UST: variants seen among roughly 807,000 people sequenced by gnomAD.
The protein encoded by UST is uronyl 2-sulfotransferase.
UST carries 21 observed loss-of-function variants against 45.6 expected under a neutral mutation model. The ratio of observed to expected loss-of-function variants is 0.46; its 90% CI spans 0.33 to 0.66. The LOEUF is 0.66. Ranked by LOEUF, UST falls within the 30% of genes least tolerant of loss-of-function variation. The pLI, the probability that UST is intolerant of heterozygous loss-of-function variation, is 0.02. For missense variants in UST, 463 were observed against 512.4 expected, an observed-to-expected ratio of 0.90 and a Z score of 0.93; for synonymous variants, 215 against 200.6, an observed-to-expected ratio of 1.07 and a Z score of -0.61.
At chr6:148,856,967 ATAAAT>A (rs1199731696) in intron 1 of UST, among the ~76,000 whole-genome samples, 1 of 148,964 alleles carries the variant, frequency 6.7e-6, no homozygotes, top group Non-Finnish European at 1.5e-5. Flanking sequence ...ACATTATATA[ATAAAT>A]TACATATATT....
chr6:149,023,101 GGT>G (rs61544082), intron 7 of UST, among the ~76,000 whole-genome samples: 26,934 of 142,026 alleles, frequency 0.19, 2,933 homozygotes, highest in East Asian at 0.32. Flanking sequence ...CTTGTTCTAT[GGT>G]GTGTGTGTGT....
intron 7 of UST, among the ~76,000 whole-genome samples, chr6:149,063,558 T>C (rs1024616072): frequency 1.3e-5 from 2 of 152,138 alleles, no homozygotes; most frequent in Non-Finnish European, 2.9e-5. Flanking sequence ...CCCAGCCAGA[T>C]GGGAGGGTAG....
intron 1 of UST, among the ~76,000 whole-genome samples, chr6:148,775,608 A>T (rs1289483678): frequency 6.6e-6 from 1 of 151,630 alleles, no homozygotes; most frequent in African/African-American, 2.4e-5. Context: ...AGTTGATTGT[A>T]ACTCTTTTTT....
intron 1 of UST, among the ~76,000 whole-genome samples, chr6:148,807,010 G>A (rs931311818): frequency 1.3e-5 from 2 of 152,110 alleles, no homozygotes; most frequent in Non-Finnish European, 2.9e-5. Flanking sequence ...GTTGTAGAGG[G>A]GACATTAAAC....
chr6:149,028,114 G>A (rs1436440457), intron 7 of UST, among the ~76,000 whole-genome samples: 1 of 152,076 alleles, frequency 6.6e-6, no homozygotes, highest in East Asian at 1.9e-4. Context: ...AAAGTGCTGG[G>A]ATTACTGGCG....
chr6:148,830,029 T>C (rs1037197594), intron 1 of UST, among the ~76,000 whole-genome samples: 4 of 152,190 alleles, frequency 2.6e-5, no homozygotes, highest in East Asian at 1.9e-4. Context: ...ACATAAAGCC[T>C]ACAACTCCTG....
At chr6:148,948,686 C>T (rs964869890) in intron 3 of UST, among the ~76,000 whole-genome samples, 1 of 151,994 alleles carries the variant, frequency 6.6e-6, no homozygotes. Flanking sequence ...AATGCTTTTC[C>T]ATCTGTTAGA....
chr6:148,792,662 T>G (rs1776872997), intron 1 of UST, among the ~76,000 whole-genome samples: 1 of 152,234 alleles, frequency 6.6e-6, no homozygotes, highest in South Asian at 2.1e-4. Flanking sequence ...GGAAATGTTA[T>G]AGTTTAACTT....
chr6:148,995,076 G>C (rs1312139321), intron 5 of UST, among the ~76,000 whole-genome samples: 1 of 152,144 alleles, frequency 6.6e-6, no homozygotes, highest in Non-Finnish European at 1.5e-5. Flanking sequence ...ACAAGCTGGA[G>C]TGCAGTGGGG....
Position 148,977,968 on chromosome 6 carries a change from TA to T in UST, c.681+13408del, listed in dbSNP as rs1329566605. Among the ~76,000 whole-genome samples the T allele has an allele frequency of 9.2e-5, 14 of 152,302 alleles. No homozygotes were observed. In the East Asian group the frequency reaches 2.5e-3, roughly 27 times the overall value. On this transcript the variant is annotated intron_variant, in intron 5 of 7. Coordinates refer to ENST00000367463, the MANE Select transcript of UST (RefSeq NM_005715.3). The stretch of plus-strand genomic sequence containing the variant: ...CTTCTGTTATATCTCTCCAGAGTTT[TA>T]AAGTTTTCTTCATTTAGATCTTGCA...
intron 1 of UST, among the ~76,000 whole-genome samples, chr6:148,775,830 C>T (rs1776523480): frequency 6.6e-6 from 1 of 152,056 alleles, no homozygotes; most frequent in Non-Finnish European, 1.5e-5. Context: ...TGGGGTTTCA[C>T]CATGTTGGTC....
chr6:148,909,726 T>G (rs1779437799), intron 2 of UST, among the ~76,000 whole-genome samples: 1 of 152,238 alleles, frequency 6.6e-6, no homozygotes, highest in Non-Finnish European at 1.5e-5. Context: ...TGCTCCTGCC[T>G]TCTAAGTGAT....
At chr6:148,944,764 G>A (rs1252898438) in intron 3 of UST, among the ~76,000 whole-genome samples, 1 of 152,164 alleles carries the variant, frequency 6.6e-6, no homozygotes, top group African/African-American at 2.4e-5. Context: ...TTGGACTTTC[G>A]CACAGCTCAT....
intron 4 of UST, among the ~76,000 whole-genome samples, chr6:148,957,240 T>C (rs537461975): frequency 2.6e-5 from 4 of 152,350 alleles, no homozygotes; most frequent in Admixed American, 2.0e-4. Context: ...GGCCCTTAGC[T>C]ACCAGCCTTC....
chr6:149,071,697 G>A (rs62426156), intron 7 of UST, among the ~76,000 whole-genome samples: 36,358 of 151,862 alleles, frequency 0.24, 4,470 homozygotes, highest in Admixed American at 0.27. Flanking sequence ...CTGTGGAATG[G>A]AAGAAAATAT....
intron 7 of UST, among the ~76,000 whole-genome samples, chr6:149,041,812 C>T (rs931302171): frequency 1.3e-5 from 2 of 152,210 alleles, no homozygotes; most frequent in Non-Finnish European, 2.9e-5. Flanking sequence ...GCTGACCACC[C>T]TTGGCACCAG....
chr6:148,818,920 A>G (rs1308257518), intron 1 of UST, among the ~76,000 whole-genome samples: 1 of 152,200 alleles, frequency 6.6e-6, no homozygotes, highest in Non-Finnish European at 1.5e-5. Flanking sequence ...TCCAGTGCCC[A>G]ACTGCTAAGG....
rs1386014679 is a variant in UST, at chr6:149,052,858, G to A, written c.938-20975G>A. Among the ~76,000 whole-genome samples, 4 of 152,166 alleles carry A rather than the reference G, an allele frequency of 2.6e-5. No individual in the cohort carries two copies. The South Asian group carries it at 6.2e-4, about 24-fold the overall frequency. ...ATCGCTTTAATAAAGTGCTTGCAAA[G>A]ACTCAATCTGGTTAACAGTAAAGCC... is the stretch of plus-strand genomic sequence containing the variant. On this transcript the variant is annotated intron_variant, in intron 7 of 7. Coordinates refer to ENST00000367463, the MANE Select transcript of UST (RefSeq NM_005715.3).
intron 2 of UST, among the ~76,000 whole-genome samples, chr6:148,896,263 T>C (rs1415147617): frequency 6.6e-6 from 1 of 152,256 alleles, no homozygotes. Context: ...TTCTTGTTTC[T>C]GTCTCCCAAA....
Sources: allele counts gnomAD v4.1 joint callset (sites outside exome capture counted in the v4.1 genomes callset), GRCh38; gene constraint gnomAD v4.1.1; transcripts MANE v1.5; gene names NCBI Gene and HGNC (gene_info 2026-07-23, HGNC 2026-07-21).